RUNX1: variants seen among roughly 807,000 people sequenced by gnomAD.
RUNX1 encodes runt-related transcription factor 1.
RUNX1 carries 19 observed loss-of-function variants against 42.8 expected under a neutral mutation model. That is an observed-to-expected ratio of 0.44 (90% CI 0.31 to 0.65). RUNX1 has a LOEUF of 0.65. Ranked by LOEUF, RUNX1 falls within the 30% of genes least tolerant of loss-of-function variation. The pLI is 0.07. For missense variants in RUNX1, 528 were observed against 672.0 expected (o/e 0.79, Z 2.37); for synonymous variants, 271 against 289.4 (o/e 0.94, Z 0.64).
intron 7 of RUNX1, among the ~76,000 whole-genome samples, chr21:34,803,283 C>T (rs1455348574): frequency 6.6e-6 from 1 of 152,100 alleles, no homozygotes; most frequent in Non-Finnish European, 1.5e-5. Flanking sequence ...CGCAGTGGCT[C>T]ATACCTGTAA....
intron 3 of RUNX1, chr21:34,887,352 A>G: frequency 1.4e-6 from 2 of 1,436,968 alleles, no homozygotes; most frequent in Non-Finnish European, 9.1e-7. Context: ...ATGGGCTCCT[A>G]GCAACCGATT....
chr21:34,821,840 C>G (rs2056913110), intron 7 of RUNX1: 2 of 681,682 alleles, frequency 2.9e-6, no homozygotes, highest in Admixed American at 6.6e-5. Context: ...ATAGGAATAA[C>G]AAGATTTCCC....
chr21:34,836,645 T>C (rs919685904), intron 6 of RUNX1, among the ~76,000 whole-genome samples: 1 of 152,188 alleles, frequency 6.6e-6, no homozygotes, highest in Non-Finnish European at 1.5e-5. Context: ...ACAATGATTG[T>C]GGAGAGCTCT....
At chr21:34,962,192 T>C (rs997322667) in intron 2 of RUNX1, among the ~76,000 whole-genome samples, 2 of 152,228 alleles carry the variant, frequency 1.3e-5, no homozygotes, top group Non-Finnish European at 2.9e-5. Flanking sequence ...TGTGCCCAGC[T>C]GTAAGTTGTA....
intron 6 of RUNX1, among the ~76,000 whole-genome samples, chr21:34,852,308 C>A (rs1261202134): frequency 6.6e-6 from 1 of 152,306 alleles, no homozygotes; most frequent in East Asian, 1.9e-4. Context: ...TGGGTTACTG[C>A]CGCTTCTGGG....
chr21:34,945,070 C>T (rs1373241984), intron 2 of RUNX1, among the ~76,000 whole-genome samples: 1 of 152,138 alleles, frequency 6.6e-6, no homozygotes, highest in African/African-American at 2.4e-5. Context: ...AACAGGCATG[C>T]CAATATAGAT....
At chr21:35,039,750 T>C (rs955105222) in intron 2 of RUNX1, among the ~76,000 whole-genome samples, 2 of 152,268 alleles carry the variant, frequency 1.3e-5, no homozygotes, top group African/African-American at 4.8e-5. Context: ...AGAATTTTCA[T>C]TGTCGGCACT....
At chr21:34,851,313 C>T (rs1377444755) in intron 6 of RUNX1, among the ~76,000 whole-genome samples, 1 of 152,234 alleles carries the variant, frequency 6.6e-6, no homozygotes, top group Non-Finnish European at 1.5e-5. Flanking sequence ...GCCTCGGCCT[C>T]TAAGGGGCCA....
chr21:34,938,250 T>TTATC (rs1215207607), intron 2 of RUNX1, among the ~76,000 whole-genome samples: 1 of 152,208 alleles, frequency 6.6e-6, no homozygotes, highest in Non-Finnish European at 1.5e-5. Flanking sequence ...ATTGTTCTGC[T>TTATC]TATCTTCTTT....
At chr21:34,997,008 T>TA (rs2059001603) in intron 2 of RUNX1, among the ~76,000 whole-genome samples, 2 of 152,338 alleles carry the variant, frequency 1.3e-5, no homozygotes, top group Non-Finnish European at 2.9e-5. Context: ...TGATTCCTTT[T>TA]AAAAAAATTC....
chr21:34,948,235 C>T (rs1022042571), intron 2 of RUNX1, among the ~76,000 whole-genome samples: 1 of 152,002 alleles, frequency 6.6e-6, no homozygotes, highest in Non-Finnish European at 1.5e-5. Flanking sequence ...TCAATAGCAA[C>T]GGCAACACCT....
chr21:34,905,197 G>A (rs2058208838), intron 2 of RUNX1, among the ~76,000 whole-genome samples: 1 of 152,088 alleles, frequency 6.6e-6, no homozygotes, highest in Non-Finnish European at 1.5e-5. Context: ...ATTTAACACC[G>A]GCAAATTGAA....
At chr21:34,966,449 G>T (rs1273468826) in intron 2 of RUNX1, among the ~76,000 whole-genome samples, 1 of 152,142 alleles carries the variant, frequency 6.6e-6, no homozygotes, top group Non-Finnish European at 1.5e-5. Flanking sequence ...TAAGCCACTT[G>T]CCTAAAGCCA....
At chr21:34,889,922 A>G (rs2058059127) in intron 3 of RUNX1, 1 of 950,416 alleles carries the variant, frequency 1.1e-6, no homozygotes. Flanking sequence ...CAGTCCCCGG[A>G]TCCCGGCCCC....
At position 35,041,866 on chromosome 21, in the gene RUNX1, C is replaced by A. The variant is rs188097749; in HGVS notation, c.58+6976G>T. Among the ~76,000 whole-genome samples the A allele has an allele frequency of 2.7e-3, 404 of 152,144 alleles. 4 individuals carry two copies. The highest frequency in any genetic ancestry group is 9.0e-3 in the African/African-American group (375 of 41,498). On this transcript the variant is annotated intron_variant, in intron 2 of 8. Transcript: ENST00000675419. ...TCATATTTCTATCAGAGATAAAAAC[C>A]TCTTTAGGGAAATTTATGAAGGGCC...
intron 4 of RUNX1, 139 bp downstream of exon 4, chr21:34,886,704 C>G (rs1161343245): frequency 9.5e-6 from 13 of 1,370,408 alleles, no homozygotes; most frequent in South Asian, 1.3e-5. Context: ...CCCCACATCC[C>G]AAGCTAGGAA....
chr21:35,039,032 G>GGTT (rs368866733), intron 2 of RUNX1, among the ~76,000 whole-genome samples: 24 of 152,320 alleles, frequency 1.6e-4, no homozygotes, highest in African/African-American at 5.3e-4. Context: ...AGCAGGGGCC[G>GGTT]GTTACTCCTA....
At chr21:34,892,903 T>G in intron 3 of RUNX1, 22 bp downstream of exon 3, 1 of 1,425,360 alleles carries the variant, frequency 7.0e-7, no homozygotes, top group Admixed American at 1.7e-5. Flanking sequence ...TATTTAAAAA[T>G]ATAACTTGGA....
intron 2 of RUNX1, among the ~76,000 whole-genome samples, chr21:35,005,935 G>A (rs1468777504): frequency 6.6e-6 from 1 of 152,148 alleles, no homozygotes; most frequent in East Asian, 1.9e-4. Context: ...CGACCAGTAC[G>A]TCCACTCCAG....
Sources: allele counts gnomAD v4.1 joint callset (sites outside exome capture counted in the v4.1 genomes callset), GRCh38; gene constraint gnomAD v4.1.1; transcripts MANE v1.5; gene names NCBI Gene and HGNC (gene_info 2026-07-23, HGNC 2026-07-21).